Variants in NLRC5 observed in about 807,000 individuals in gnomAD.
The protein encoded by NLRC5 is NLR family CARD domain containing 5.
A neutral mutation model predicts 206.9 loss-of-function variants in NLRC5; 114 were observed. That is an observed-to-expected ratio of 0.55 (90% confidence interval 0.47 to 0.64). NLRC5 has a LOEUF of 0.64. Ranked by LOEUF, NLRC5 falls within the 30% of genes least tolerant of loss-of-function variation. The pLI is 0.00. For synonymous variants in NLRC5, 952 were observed against 962.8 expected (o/e 0.99, Z 0.21); for missense variants, 2,008 against 2,305.5 (o/e 0.87, Z 2.64).
intron 17 of NLRC5, chr16:57,041,211 C>T: frequency 2.2e-6 from 1 of 461,470 alleles, no homozygotes; most frequent in South Asian, 2.9e-5. Flanking sequence ...TCAGTCTTAT[C>T]TGTCTTCCTC....
intron 23 of NLRC5, among the ~76,000 whole-genome samples, chr16:57,050,513 G>A (rs2064736732): frequency 6.6e-6 from 1 of 152,084 alleles, no homozygotes; most frequent in South Asian, 2.1e-4. Context: ...GAGAGGAAGG[G>A]GGAGGTGGAG....
intron 13 of NLRC5, chr16:57,034,510 A>G (rs1597277413): frequency 9.2e-6 from 4 of 434,094 alleles, no homozygotes; most frequent in East Asian, 8.6e-5. Context: ...CTCATTTTAT[A>G]GAGGAGGAAG....
chr16:57,029,924 C>G, intron 9 of NLRC5, 68 bp downstream of exon 9: 1 of 1,607,508 alleles, frequency 6.2e-7, no homozygotes, highest in Non-Finnish European at 8.5e-7. Context: ...CACTCCCTTG[C>G]AAGGCAAGGA....
At chr16:57,024,346 G>A (rs1001808174) in intron 5 of NLRC5, among the ~76,000 whole-genome samples, 1 of 152,208 alleles carries the variant, frequency 6.6e-6, no homozygotes, top group African/African-American at 2.4e-5. Flanking sequence ...TTCTTGACCA[G>A]TTCTCAGAAT....
intron 1 of NLRC5, among the ~76,000 whole-genome samples, chr16:57,007,477 C>T (rs55970821): frequency 0.018 from 2,767 of 152,086 alleles, 39 homozygotes; most frequent in Non-Finnish European, 0.029. Flanking sequence ...AACCCCAGCA[C>T]TTTGGGAGGC....
chr16:57,065,369 C>T, intron 33 of NLRC5, 71 bp downstream of exon 33: 2 of 1,122,932 alleles, frequency 1.8e-6, no homozygotes, highest in South Asian at 3.5e-5. Context: ...CCTTGACCTT[C>T]CCTCATCCTG....
chr16:57,075,138 G>A (rs1354030782), intron 39 of NLRC5, among the ~76,000 whole-genome samples: 7 of 146,808 alleles, frequency 4.8e-5, no homozygotes, highest in Non-Finnish European at 8.9e-5. Context: ...ACTCCTGGGC[G>A]AACGTGATCC....
Position 57,034,269 on chromosome 16 carries a change from C to T in NLRC5, c.2627+18C>T, listed in dbSNP as rs781528836. 1 of 1,609,756 alleles carries T rather than the reference C, an allele frequency of 6.2e-7. No individual in the cohort carries two copies. Among genetic ancestry groups the T allele is most frequent in the South Asian group, 1.1e-5 (1 of 90,788 alleles). Reference sequence around the variant, plus strand: ...GAAGTGGAGTGAGTATCACGGGAAGCCCTGGCGTAGGAGCCAGGAAAGGAG... The same window carrying T: ...GAAGTGGAGTGAGTATCACGGGAAGTCCTGGCGTAGGAGCCAGGAAAGGAG... On this transcript the variant is annotated intron_variant, in intron 13 of 48. Coordinates refer to ENST00000688547, the MANE Select transcript of NLRC5 (RefSeq NM_001384950.1).
chr16:57,081,316 C>A, intron 47 of NLRC5, 135 bp downstream of exon 47: 3 of 975,986 alleles, frequency 3.1e-6, no homozygotes, highest in Non-Finnish European at 4.5e-6. Flanking sequence ...CTGTTCCAAG[C>A]CCCTGCCAGG....
intron 1 of NLRC5, among the ~76,000 whole-genome samples, chr16:57,009,580 G>A (rs534380230): frequency 6.6e-6 from 1 of 151,978 alleles, no homozygotes; most frequent in East Asian, 1.9e-4. Context: ...GCGACAGAGT[G>A]AGACTCCATT....
chr16:57,076,839 G>C lies in NLRC5; in HGVS notation c.4772G>C (p.Gly1591Ala). ...TCCAGACTGAACAGGAACAGTATCG[G>C]TGATGTCGGTTGCTGCCACCTTTCT... ...QSLRLNRNSI[G>A]DVGCCHLSEA... Residue 1591 changes from glycine (G) to alanine (A), a missense_variant, in exon 40 of 49, where the codon GGT becomes GCT. Gly to Ala is a moderately conservative substitution (Grantham distance 60). Transcript: ENST00000688547. 1.9e-6 allele frequency: 3 copies of C among 1,614,154 alleles called. No individual in the cohort carries two copies. The highest frequency in any genetic ancestry group is 2.5e-6 in the Non-Finnish European group (3 of 1,180,030).
At chr16:57,025,161 G>A (rs1371612884) in intron 5 of NLRC5, among the ~76,000 whole-genome samples, 1 of 152,094 alleles carries the variant, frequency 6.6e-6, no homozygotes, top group Non-Finnish European at 1.5e-5. Context: ...AATAGCTACC[G>A]GAGAGCCTAT....
intron 1 of NLRC5, among the ~76,000 whole-genome samples, chr16:57,007,107 G>T (rs151336642): frequency 3.2e-3 from 492 of 152,148 alleles, no homozygotes; most frequent in Middle Eastern, 6.8e-3. Context: ...TGGTTCAAAA[G>T]GTCCTAAAAA....
rs1555515714 is a variant in NLRC5, at chr16:57,015,944, A to AAAAAG, written c.-127-1126_-127-1122dup. On this transcript the variant is annotated intron_variant, in intron 1 of 48. Transcript: ENST00000688547. ...CCATCTCAAAAAAAAAAAAAAAAAA[A>AAAAAG]AAAAGAAAGAAAAGAAAAGAAGCAC... Among the ~76,000 whole-genome samples the AAAAAG allele has an allele frequency of 8.7e-3, 1,038 of 119,862 alleles. 45 individuals are homozygous for AAAAAG. Among genetic ancestry groups the AAAAAG allele is most frequent in the Non-Finnish European group, 0.012 (692 of 56,022 alleles). The allele number at this position is 119,862 out of a possible 152,430, so 78.6% of individuals were successfully genotyped here.
In NLRC5 at chr16:57,037,314, T is replaced by TC. The variant is rs56113643; in HGVS notation, c.2801+40dup. 5,974 of 1,517,662 alleles carry TC rather than the reference T, an allele frequency of 3.9e-3. 15 individuals are homozygous for TC. Among genetic ancestry groups the TC allele is most frequent in the African/African-American group, 0.028 (1,972 of 70,500 alleles). The allele number at this position is 1,517,662 out of a possible 1,614,324, so 94.0% of individuals were successfully genotyped here. A position where few individuals can be genotyped will look rare whatever the true frequency, so the allele number is the denominator to read the frequency against. The stretch of plus-strand genomic sequence containing the variant: ...GAGCTCCCTCAGACCACGGTACCCA[T>TC]CCCCCCCCCCATCATGCTCTCTCTG... On this transcript the variant is annotated intron_variant, in intron 15 of 48. Transcript: ENST00000688547.
At chr16:57,038,109 A>G (rs1325463023) in intron 15 of NLRC5, among the ~76,000 whole-genome samples, 1 of 151,470 alleles carries the variant, frequency 6.6e-6, no homozygotes, top group African/African-American at 2.4e-5. Flanking sequence ...TTATAATAGG[A>G]AAAAAAAAGA....
chr16:57,082,609 A>C lies in NLRC5; in HGVS notation c.*81A>C. 1.8e-5 allele frequency: 18 copies of C among 1,008,108 alleles called. No individual in the cohort carries two copies. The highest frequency in any genetic ancestry group is 2.3e-5 in the Non-Finnish European group (15 of 657,264). The allele number at this position is 1,008,108 out of a possible 1,614,324, so 62.4% of individuals were successfully genotyped here. On this transcript the variant is annotated 3_prime_UTR_variant, in exon 49 of 49. Coordinates refer to ENST00000688547, the MANE Select transcript of NLRC5 (RefSeq NM_001384950.1). ...TTTCGCCCACTGGGATAATTGACTC[A>C]GGAAAGAAGAGCCTCGGCAGGGCGC...
intron 16 of NLRC5, 107 bp from the exon 17 acceptor site, chr16:57,040,543 C>T: frequency 9.3e-7 from 1 of 1,078,802 alleles, no homozygotes; most frequent in East Asian, 2.4e-5. Context: ...GTCTGATTGA[C>T]TCTAGGTGGA....
intron 1 of NLRC5, among the ~76,000 whole-genome samples, chr16:56,997,791 G>GGCTGGTCTCAAACT (rs2057788409): frequency 6.6e-6 from 1 of 152,072 alleles, no homozygotes; most frequent in Admixed American, 6.5e-5. Flanking sequence ...ATGTTGCCCA[G>GGCTGGTCTCAAACT]GCTGGTCTCA....
Sources: gnomAD v4.1 joint callset for allele counts (sites outside exome capture counted in the v4.1 genomes callset) on GRCh38, gnomAD v4.1.1 for gene constraint, MANE v1.5 for transcripts, NCBI Gene and HGNC (gene_info 2026-07-23, HGNC 2026-07-21) for gene names.